PCDH9: variants seen among roughly 807,000 people sequenced by gnomAD.
PCDH9 encodes the protein protocadherin-9.
In PCDH9, 24 loss-of-function variants were observed where a neutral mutation model predicts 70.6. The ratio of observed to expected loss-of-function variants is 0.34; its 90% CI spans 0.25 to 0.48. PCDH9 has a LOEUF of 0.48. Among genes scored for constraint, PCDH9 ranks in the 20% least tolerant of loss-of-function variants. PCDH9 has a pLI of 0.99. For synonymous variants in PCDH9, 562 were observed against 558.5 expected (o/e 1.01, Z -0.09); for missense variants, 1,281 against 1,503.6 (o/e 0.85, Z 2.45).
chr13:66,873,810 T>A (rs1045687693), intron 3 of PCDH9, among the ~76,000 whole-genome samples: 1 of 152,126 alleles, frequency 6.6e-6, no homozygotes, highest in African/African-American at 2.4e-5. Context: ...TAGATATGCG[T>A]CATTGAAAAT....
At chr13:66,363,210 TA>T (rs1410000158) in intron 4 of PCDH9, among the ~76,000 whole-genome samples, 1 of 152,148 alleles carries the variant, frequency 6.6e-6, no homozygotes, top group African/African-American at 2.4e-5. Context: ...ACAACTTGTG[TA>T]AAGGTCCTTT....
intron 3 of PCDH9, among the ~76,000 whole-genome samples, chr13:66,849,511 T>TAGAGAGAGAGAGAG (rs1252511795): frequency 2.7e-4 from 22 of 82,168 alleles, no homozygotes; most frequent in African/African-American, 5.6e-4. Flanking sequence ...TATATATATA[T>TAGAGAGAGAGAGAG]ATATATAGAG....
intron 2 of PCDH9, among the ~76,000 whole-genome samples, chr13:66,989,237 A>T (rs944167695): frequency 1.1e-4 from 16 of 151,962 alleles, no homozygotes; most frequent in Non-Finnish European, 1.9e-4. Flanking sequence ...GGAATATTTT[A>T]AAAGTCATTT....
chr13:66,773,791 T>G (rs992715044), intron 3 of PCDH9, among the ~76,000 whole-genome samples: 1 of 151,676 alleles, frequency 6.6e-6, no homozygotes, highest in Non-Finnish European at 1.5e-5. Context: ...TTTTCTTTTT[T>G]TTTTTAGACG....
chr13:66,459,905 T>C (rs1287392398), intron 4 of PCDH9, among the ~76,000 whole-genome samples: 1 of 151,932 alleles, frequency 6.6e-6, no homozygotes, highest in East Asian at 1.9e-4. Context: ...TGCGACTGTA[T>C]TTCTCACGTA....
chr13:66,451,196 A>G (rs1958201599), intron 4 of PCDH9, among the ~76,000 whole-genome samples: 1 of 152,212 alleles, frequency 6.6e-6, no homozygotes, highest in Non-Finnish European at 1.5e-5. Flanking sequence ...AAAAAACTAT[A>G]TTTCCAATGC....
At chr13:66,869,689 T>A (rs1339998607) in intron 3 of PCDH9, among the ~76,000 whole-genome samples, 1 of 152,142 alleles carries the variant, frequency 6.6e-6, no homozygotes, top group East Asian at 1.9e-4. Flanking sequence ...TAGACTGGTG[T>A]TTTATTGCTG....
chr13:66,614,455 GTT>G (rs1165593200), intron 4 of PCDH9, among the ~76,000 whole-genome samples: 22 of 152,264 alleles, frequency 1.4e-4, no homozygotes, highest in Admixed American at 1.4e-3. Context: ...ATTATAAAAG[GTT>G]TTTGCTTCTT....
intron 2 of PCDH9, 57 bp downstream of exon 2, chr13:67,225,348 C>T: frequency 6.5e-7 from 1 of 1,534,888 alleles, no homozygotes; most frequent in Non-Finnish European, 9.0e-7. Context: ...CACGTTAATA[C>T]TGGTTGACTG....
chr13:67,216,567 G>A (rs930607305), intron 2 of PCDH9: 1 of 150,560 alleles, frequency 6.6e-6, no homozygotes, highest in Non-Finnish European at 1.5e-5. Context: ...ACAAAAAATA[G>A]CAAAGGAAAA....
At chr13:66,909,524 C>A (rs1266725251) in intron 2 of PCDH9, among the ~76,000 whole-genome samples, 1 of 152,094 alleles carries the variant, frequency 6.6e-6, no homozygotes, top group Non-Finnish European at 1.5e-5. Context: ...AATCCCAGCA[C>A]TTTGGGAGGC....
chr13:66,637,124 C>T (rs1006683332), intron 3 of PCDH9, among the ~76,000 whole-genome samples: 17 of 152,072 alleles, frequency 1.1e-4, no homozygotes, highest in Admixed American at 3.3e-4. Flanking sequence ...TTCCTCAATA[C>T]GGTCTTACCA....
At chr13:66,445,485 A>AG (rs1958058587) in intron 4 of PCDH9, among the ~76,000 whole-genome samples, 6 of 144,182 alleles carry the variant, frequency 4.2e-5, no homozygotes, top group African/African-American at 1.5e-4. Context: ...ATACACATAA[A>AG]ATATATACAC....
At chr13:66,403,350 T>C (rs1446912186) in intron 4 of PCDH9, among the ~76,000 whole-genome samples, 1 of 152,080 alleles carries the variant, frequency 6.6e-6, no homozygotes, top group African/African-American at 2.4e-5. Context: ...TTTCACCATG[T>C]TGCCCAGGCT....
chr13:66,894,315 T>C (rs1014605826), intron 3 of PCDH9, among the ~76,000 whole-genome samples: 5 of 152,178 alleles, frequency 3.3e-5, no homozygotes, highest in African/African-American at 1.2e-4. Flanking sequence ...TCAAATAATT[T>C]TTCCTTAACA....
intron 4 of PCDH9, among the ~76,000 whole-genome samples, chr13:66,507,258 G>A (rs764469860): frequency 2.0e-5 from 3 of 152,152 alleles, no homozygotes; most frequent in Non-Finnish European, 2.9e-5. Context: ...TTCACGGGCT[G>A]CATTTCAAGT....
intron 3 of PCDH9, among the ~76,000 whole-genome samples, chr13:66,827,560 A>G (rs899432856): frequency 1.3e-5 from 2 of 152,058 alleles, no homozygotes; most frequent in Non-Finnish European, 2.9e-5. Context: ...AGTTTCAGGC[A>G]CCTGCTAAAT....
intron 3 of PCDH9, among the ~76,000 whole-genome samples, chr13:66,900,113 C>A (rs2082253117): frequency 6.6e-6 from 1 of 151,850 alleles, no homozygotes; most frequent in African/African-American, 2.4e-5. Context: ...AATCAAATAG[C>A]CTGTGAGGTT....
intron 2 of PCDH9, among the ~76,000 whole-genome samples, chr13:66,992,897 A>C: frequency 8.6e-6 from 1 of 116,328 alleles, no homozygotes. Context: ...TCAAGCTCTG[A>C]CTCCTAAAAA....
Sources: allele counts gnomAD v4.1 joint callset (sites outside exome capture counted in the v4.1 genomes callset), GRCh38; gene constraint gnomAD v4.1.1; transcripts MANE v1.5; gene names NCBI Gene and HGNC (gene_info 2026-07-23, HGNC 2026-07-21).